The following MACROD2 variants were observed in gnomAD, a reference collection of about 807,000 sequenced individuals.
The protein encoded by MACROD2 is ADP-ribose glycohydrolase MACROD2.
Under a neutral mutation model 70.4 loss-of-function variants are expected in MACROD2, and 36 were observed. The ratio of observed to expected loss-of-function variants is 0.51; its 90% CI spans 0.39 to 0.68. MACROD2 has a LOEUF of 0.68. Among genes scored for constraint, MACROD2 ranks in the 30% least tolerant of loss-of-function variants. MACROD2 has a pLI of 0.00. For synonymous variants in MACROD2, 172 were observed against 178.8 expected (o/e 0.96, Z 0.30); for missense variants, 496 against 538.4 (o/e 0.92, Z 0.78).
chr20:14,758,297 A>G (rs1292249205), intron 5 of MACROD2, among the ~76,000 whole-genome samples: 1 of 152,024 alleles, frequency 6.6e-6, no homozygotes, highest in Non-Finnish European at 1.5e-5. Context: ...GTCATTATCC[A>G]TTTTAGGATA....
At chr20:14,911,845 C>A (rs939372195) in intron 5 of MACROD2, among the ~76,000 whole-genome samples, 6 of 152,014 alleles carry the variant, frequency 3.9e-5, no homozygotes, top group Admixed American at 1.3e-4. Flanking sequence ...ACTATTAACC[C>A]ATTTTACAGA....
At chr20:15,564,158 T>C (rs1408400948) in intron 8 of MACROD2, among the ~76,000 whole-genome samples, 1 of 152,212 alleles carries the variant, frequency 6.6e-6, no homozygotes, top group Non-Finnish European at 1.5e-5. Flanking sequence ...TTGCCATCAC[T>C]GTTACTGTGA....
chr20:14,150,009 C>T (rs2148710537), intron 3 of MACROD2, among the ~76,000 whole-genome samples: 1 of 152,032 alleles, frequency 6.6e-6, no homozygotes, highest in South Asian at 2.1e-4. Flanking sequence ...TGATTTATTT[C>T]TCTCATCTAT....
intron 3 of MACROD2, among the ~76,000 whole-genome samples, chr20:14,175,563 G>A (rs1458274216): frequency 3.9e-5 from 6 of 152,166 alleles, no homozygotes; most frequent in Non-Finnish European, 8.8e-5. Context: ...ATGTGAGACA[G>A]GAAGTCTAGA....
At chr20:15,187,281 G>C (rs1300390770) in intron 5 of MACROD2, among the ~76,000 whole-genome samples, 1 of 152,104 alleles carries the variant, frequency 6.6e-6, no homozygotes, top group Non-Finnish European at 1.5e-5. Context: ...TGTGATACTT[G>C]TTTTCAGACA....
At chr20:14,532,619 G>A (rs1284168359) in intron 4 of MACROD2, among the ~76,000 whole-genome samples, 1 of 152,124 alleles carries the variant, frequency 6.6e-6, no homozygotes, top group Non-Finnish European at 1.5e-5. Context: ...CAATGTTTGA[G>A]CAGGTTAGTT....
Position 15,560,711 on chromosome 20 carries a change from C to G in MACROD2, c.645+60864C>G, listed in dbSNP as rs1154813. 2.7e-4 allele frequency among the ~76,000 whole-genome samples: 34 copies of G among 124,474 alleles called. No homozygotes were observed. The East Asian group carries it at 8.1e-3, about 30-fold the overall frequency. The allele number at this position is 124,474 out of a possible 152,430, so 81.7% of individuals were successfully genotyped here. On this transcript the variant is annotated intron_variant, in intron 8 of 17. Transcript: ENST00000684519. ...CTGGAAGGCAGAGGTTGCAGCAGGA[C>G]TAGATTGCACCACTGCACTCCAGCC... is the stretch of plus-strand genomic sequence containing the variant.
intron 7 of MACROD2, among the ~76,000 whole-genome samples, chr20:15,463,831 AC>A (rs1357663802): frequency 3.3e-5 from 5 of 152,246 alleles, no homozygotes; most frequent in African/African-American, 1.2e-4. Flanking sequence ...AAAACAGGTT[AC>A]ATTTACTGAA....
At chr20:15,767,818 A>G (rs2051552173) in intron 8 of MACROD2, among the ~76,000 whole-genome samples, 1 of 152,130 alleles carries the variant, frequency 6.6e-6, no homozygotes, top group African/African-American at 2.4e-5. Context: ...GTTTCACTAC[A>G]TAAAGTTCTT....
intron 5 of MACROD2, among the ~76,000 whole-genome samples, chr20:15,037,905 A>G (rs1339287273): frequency 3.3e-5 from 5 of 151,808 alleles, no homozygotes; most frequent in African/African-American, 9.7e-5. Context: ...AATTTATTGT[A>G]TATTTCAAAA....
At chr20:14,945,173 G>A (rs2074421152) in intron 5 of MACROD2, among the ~76,000 whole-genome samples, 1 of 151,502 alleles carries the variant, frequency 6.6e-6, no homozygotes, top group Admixed American at 6.6e-5. Flanking sequence ...CTGGAGTGCA[G>A]TGGGCCTGAT....
chr20:15,529,676 T>C (rs117130921), intron 8 of MACROD2, among the ~76,000 whole-genome samples: 6,435 of 152,320 alleles, frequency 0.042, 147 homozygotes, highest in South Asian at 0.11. Flanking sequence ...GTTACGTATA[T>C]GTTGTATAAC....
At chr20:15,778,095 AG>A (rs1161331433) in intron 8 of MACROD2, among the ~76,000 whole-genome samples, 1 of 152,182 alleles carries the variant, frequency 6.6e-6, no homozygotes, top group Non-Finnish European at 1.5e-5. Context: ...TAACCCCATG[AG>A]GTCAATCTTA....
intron 3 of MACROD2, among the ~76,000 whole-genome samples, chr20:14,395,010 A>G (rs1000087292): frequency 2.0e-4 from 31 of 152,036 alleles, no homozygotes; most frequent in African/African-American, 7.0e-4. Flanking sequence ...AAGATTTTTT[A>G]TATATATTGA....
At chr20:14,949,087 C>G (rs916378053) in intron 5 of MACROD2, among the ~76,000 whole-genome samples, 1 of 152,130 alleles carries the variant, frequency 6.6e-6, no homozygotes, top group African/African-American at 2.4e-5. Flanking sequence ...GATATCCACT[C>G]AGCAATAAGT....
At chr20:15,879,272 CCTAA>C (rs2064719207) in intron 9 of MACROD2, among the ~76,000 whole-genome samples, 1 of 152,094 alleles carries the variant, frequency 6.6e-6, no homozygotes, top group Admixed American at 6.6e-5. Flanking sequence ...TCATCAGTCT[CCTAA>C]CTACTTTCAA....
chr20:14,039,002 C>G (rs1222227407), intron 2 of MACROD2, among the ~76,000 whole-genome samples: 2 of 152,242 alleles, frequency 1.3e-5, no homozygotes, highest in East Asian at 1.9e-4. Flanking sequence ...TCAGCATGCT[C>G]TATGAACTTG....
At chr20:15,224,360 A>G (rs1394516976) in intron 5 of MACROD2, among the ~76,000 whole-genome samples, 1 of 152,248 alleles carries the variant, frequency 6.6e-6, no homozygotes, top group Non-Finnish European at 1.5e-5. Context: ...GCCAAAATGT[A>G]TACATACAAA....
chr20:15,402,514 A>G (rs1405178977), intron 6 of MACROD2, among the ~76,000 whole-genome samples: 30 of 152,226 alleles, frequency 2.0e-4, no homozygotes, highest in Admixed American at 2.0e-3. Context: ...ATGGCTGAAT[A>G]TGAAATCTTT....
Sources: gnomAD v4.1 joint callset for allele counts (sites outside exome capture counted in the v4.1 genomes callset) on GRCh38, gnomAD v4.1.1 for gene constraint, MANE v1.5 for transcripts, NCBI Gene and HGNC (gene_info 2026-07-23, HGNC 2026-07-21) for gene names.